Variants in CDH26 observed in about 807,000 individuals in gnomAD.
CDH26 encodes cadherin 26, also known as cadherin-like protein 26.
A neutral mutation model predicts 90.3 loss-of-function variants in CDH26; 83 were observed. The ratio of observed to expected loss-of-function variants is 0.92; its 90% confidence interval spans 0.77 to 1.10. The LOEUF (loss-of-function observed/expected upper bound fraction) is 1.10. Among genes scored for constraint, CDH26 ranks in the 50% least tolerant of loss-of-function variants. CDH26 has a pLI of 0.00. For missense variants in CDH26, 1,013 were observed against 1,037.6 expected (o/e 0.98, Z 0.33); for synonymous variants, 397 against 396.3 (o/e 1.00, Z -0.02).
chr20:60,003,896 G>A (rs1230656023), intron 16 of CDH26, among the ~76,000 whole-genome samples: 1 of 152,122 alleles, frequency 6.6e-6, no homozygotes, highest in African/African-American at 2.4e-5. Context: ...CCTGAAGCTG[G>A]CTTGAGGCAA....
At chr20:59,974,293 C>T (rs1304173162) in intron 4 of CDH26, among the ~76,000 whole-genome samples, 1 of 151,960 alleles carries the variant, frequency 6.6e-6, no homozygotes, top group African/African-American at 2.4e-5. Flanking sequence ...TTAAATCTTT[C>T]AGATGCAAAA....
intron 8 of CDH26, among the ~76,000 whole-genome samples, chr20:59,988,150 C>T (rs1327246491): frequency 6.6e-6 from 1 of 152,164 alleles, no homozygotes; most frequent in Non-Finnish European, 1.5e-5. Flanking sequence ...ATTACCATCT[C>T]ATTTACTGAT....
At chr20:59,981,310 G>C (rs989324961) in intron 4 of CDH26, among the ~76,000 whole-genome samples, 2 of 152,134 alleles carry the variant, frequency 1.3e-5, no homozygotes, top group Non-Finnish European at 2.9e-5. Context: ...TGACTTTATA[G>C]GTCAATTTGG....
chr20:59,961,983 G>T (rs1406157267), intron 1 of CDH26, among the ~76,000 whole-genome samples: 1 of 152,172 alleles, frequency 6.6e-6, no homozygotes, highest in East Asian at 1.9e-4. Context: ...TCTGAATTGA[G>T]TTACATTTTA....
At chr20:60,023,960 GGA>G (rs11086691) in intron 7 of CDH26, among the ~76,000 whole-genome samples, 3,545 of 147,216 alleles carry the variant, frequency 0.024, 75 homozygotes, top group South Asian at 0.083. Context: ...GCTGACAGAG[GGA>G]GAGAGAGAGA....
intron 4 of CDH26, among the ~76,000 whole-genome samples, chr20:59,980,416 T>G (rs2061381240): frequency 6.6e-6 from 1 of 152,080 alleles, no homozygotes; most frequent in South Asian, 2.1e-4. Context: ...TGCCTCAGCC[T>G]CCCGAGTAGC....
At position 59,958,806 on chromosome 20, in the gene CDH26, C is replaced by T. The variant is rs749515338; in HGVS notation, c.69+11C>T. 2.5e-6 allele frequency: 4 copies of T among 1,612,306 alleles called. No individual in the cohort carries two copies. The East Asian group carries it at 8.9e-5, about 36-fold the overall frequency. On this transcript the variant is annotated intron_variant, in intron 1 of 17. Coordinates refer to ENST00000348616, the MANE Select transcript of CDH26 (RefSeq NM_177980.4). Reference sequence around the variant, plus strand: ...CTGTGGCTGCTGCAGGTAAGCTGAGCCTGCAGCCTAGTGCTCAGGTGCAGG... The same window carrying T: ...CTGTGGCTGCTGCAGGTAAGCTGAGTCTGCAGCCTAGTGCTCAGGTGCAGG...
At chr20:60,024,663 T>C (rs544942301) in intron 7 of CDH26, among the ~76,000 whole-genome samples, 1 of 152,302 alleles carries the variant, frequency 6.6e-6, no homozygotes, top group South Asian at 2.1e-4. Context: ...GAGATGAGCA[T>C]GTTCTGTGTA....
chr20:59,987,264 AC>A (rs2061470632), intron 7 of CDH26, among the ~76,000 whole-genome samples, 188 bp from the exon 8 acceptor site: 1 of 152,204 alleles, frequency 6.6e-6, no homozygotes, highest in South Asian at 2.1e-4. Flanking sequence ...GCTGTAACAG[AC>A]GGAGTTGCAA....
At chr20:60,025,881 A>T (rs1473557599) in intron 7 of CDH26, among the ~76,000 whole-genome samples, 1 of 152,192 alleles carries the variant, frequency 6.6e-6, no homozygotes, top group Non-Finnish European at 1.5e-5. Context: ...TGAAAATACA[A>T]TAAAGGTGAT....
intron 17 of CDH26, among the ~76,000 whole-genome samples, chr20:60,009,073 G>A (rs1310631213): frequency 6.6e-6 from 1 of 152,168 alleles, no homozygotes; most frequent in Non-Finnish European, 1.5e-5. Flanking sequence ...TGTCATTACT[G>A]GTGCATGACA....
At chr20:59,994,740 C>T (rs2061570983) in intron 11 of CDH26, among the ~76,000 whole-genome samples, 1 of 152,082 alleles carries the variant, frequency 6.6e-6, no homozygotes, top group African/African-American at 2.4e-5. Context: ...GTCCCTGAGA[C>T]ATATTCTTGC....
At chr20:59,970,801 C>G in intron 3 of CDH26, among the ~76,000 whole-genome samples, 1 of 148,074 alleles carries the variant, frequency 6.8e-6, no homozygotes, top group African/African-American at 2.5e-5. Flanking sequence ...CAGCGAGACT[C>G]TGTCTCAAAA....
rs1363349924 is a variant in CDH26, at chr20:59,982,869, G to A, written c.394-54G>A. The stretch of plus-strand genomic sequence containing the variant: ...AATTAGGATAACAGTTATTTTATTA[G>A]AGTGTCATCGAGTAAATGGTTCTGC... On this transcript the variant is annotated intron_variant, in intron 4 of 17. Coordinates refer to ENST00000348616, the MANE Select transcript of CDH26 (RefSeq NM_177980.4). 3.8e-6 allele frequency: 6 copies of A among 1,580,252 alleles called. No homozygotes were observed. The Admixed American group carries it at 5.2e-5, about 14-fold the overall frequency.
intron 4 of CDH26, among the ~76,000 whole-genome samples, chr20:59,982,138 T>TC (rs2061402242): frequency 1.3e-5 from 2 of 152,186 alleles, no homozygotes; most frequent in African/African-American, 4.8e-5. Flanking sequence ...TATTGATAAT[T>TC]CTCTCCGCTT....
At chr20:59,995,709 C>G (rs1426081989) in intron 11 of CDH26, 124 bp from the exon 12 acceptor site, 11 of 808,086 alleles carry the variant, frequency 1.4e-5, no homozygotes, top group Non-Finnish European at 2.3e-5. Context: ...ACCCCTCCCT[C>G]TAACTCTGCA....
At chr20:59,990,624 T>C (rs2061516353) in intron 9 of CDH26, among the ~76,000 whole-genome samples, 1 of 152,236 alleles carries the variant, frequency 6.6e-6, no homozygotes, top group African/African-American at 2.4e-5. Context: ...AAAATTTTCA[T>C]GCACTAGGTG....
chr20:59,996,695 A>G lies in CDH26; in HGVS notation c.1953A>G (p.Val651=), dbSNP rs777459255. 3.7e-6 allele frequency: 6 copies of G among 1,614,118 alleles called. No individual in the cohort carries two copies. Among genetic ancestry groups the G allele is most frequent in the East Asian group, 2.2e-5 (1 of 44,894 alleles). ...AACCTAAGAGGCATGGATGCTCTGT[A>G]TCCAATGATGAAGGCCACCAAACAC... ...VLEPKRHGCS[V]SNDEGHQTLV... The change falls in exon 13 of 18, where the codon GTA becomes GTG. Residue 651 remains valine, a synonymous_variant. Coordinates refer to ENST00000348616, the MANE Select transcript of CDH26 (RefSeq NM_177980.4).
At chr20:60,008,883 G>C (rs952343461) in intron 17 of CDH26, among the ~76,000 whole-genome samples, 1 of 152,230 alleles carries the variant, frequency 6.6e-6, no homozygotes, top group African/African-American at 2.4e-5. Context: ...GGGCCTAGAA[G>C]CTTTGCCTAA....
Sources: allele counts gnomAD v4.1 joint callset (sites outside exome capture counted in the v4.1 genomes callset), GRCh38; gene constraint gnomAD v4.1.1; transcripts MANE v1.5; gene names NCBI Gene and HGNC (gene_info 2026-07-23, HGNC 2026-07-21).